Variants in MARK1 observed in about 807,000 individuals in gnomAD.
MARK1 encodes microtubule affinity regulating kinase 1, also known as serine/threonine-protein kinase MARK1.
MARK1 carries 40 observed loss-of-function variants against 96.3 expected under a neutral mutation model. The ratio of observed to expected loss-of-function variants is 0.42; its 90% CI spans 0.32 to 0.54. The LOEUF (loss-of-function observed/expected upper bound fraction) is 0.54. Ranked by LOEUF, MARK1 falls within the 20% of genes least tolerant of loss-of-function variation. The pLI, the probability that MARK1 is intolerant of heterozygous loss-of-function variation, is 0.16. For synonymous variants in MARK1, 317 were observed against 341.2 expected (o/e 0.93, Z 0.78); for missense variants, 719 against 984.6 (o/e 0.73, Z 3.61).
chr1:220,655,019 CAGTG>C (rs1465274594), intron 16 of MARK1, among the ~76,000 whole-genome samples: 1 of 152,216 alleles, frequency 6.6e-6, no homozygotes, highest in Non-Finnish European at 1.5e-5. Flanking sequence ...ATTGCTACGG[CAGTG>C]AGTGAGACTG....
chr1:220,545,467 T>C (rs1661426099), intron 1 of MARK1, among the ~76,000 whole-genome samples: 1 of 113,858 alleles, frequency 8.8e-6, no homozygotes, highest in African/African-American at 3.4e-5. Flanking sequence ...TTTTTTGAGA[T>C]AGGTTCTTGC....
At position 220,615,967 on chromosome 1, in the gene MARK1, A is replaced by T; in HGVS notation, c.524A>T (p.Gln175Leu). The stretch of plus-strand genomic sequence containing the variant: ...GTATCTGCTGTACAGTATTGTCATC[A>T]AAAGTACATTGTTCACCGTGATCTT... ...QIVSAVQYCHQKYIVHRDLKA... is the reference protein window; with the variant it reads ...QIVSAVQYCHLKYIVHRDLKA... Residue 175 changes from glutamine to leucine, a missense_variant, in exon 7 of 18, where the codon CAA becomes CTA. Gln to Leu is a moderately radical substitution (Grantham distance 113). Around this residue, in one of 4 missense-constraint regions of MARK1, gnomAD observed 96 missense variants for 213.1 expected, o/e 0.45. Transcript: ENST00000366917. 1 of 1,563,932 alleles carries T rather than the reference A, an allele frequency of 6.4e-7. No homozygotes were observed.
At chr1:220,607,582 A>T (rs1468499479) in intron 6 of MARK1, among the ~76,000 whole-genome samples, 1 of 150,160 alleles carries the variant, frequency 6.7e-6, no homozygotes, top group Non-Finnish European at 1.5e-5. Context: ...TGGTGAGAGG[A>T]CATCCCTGTC....
intron 1 of MARK1, among the ~76,000 whole-genome samples, chr1:220,544,961 G>A (rs1281320370): frequency 1.3e-5 from 2 of 152,254 alleles, no homozygotes; most frequent in African/African-American, 4.8e-5. Flanking sequence ...CTCAGAGCCT[G>A]AAGTGGGAGA....
At chr1:220,573,742 A>G (rs1663637233) in intron 1 of MARK1, among the ~76,000 whole-genome samples, 1 of 151,880 alleles carries the variant, frequency 6.6e-6, no homozygotes, top group South Asian at 2.1e-4. Context: ...ATCCTATCCA[A>G]TGAATTTTTC....
intron 3 of MARK1, among the ~76,000 whole-genome samples, chr1:220,596,384 A>G (rs973552855): frequency 1.9e-4 from 29 of 152,214 alleles, no homozygotes; most frequent in Non-Finnish European, 3.5e-4. Context: ...TCTTTGTCCC[A>G]AATTTGAAAT....
chr1:220,533,829 C>T (rs953441357), intron 1 of MARK1, among the ~76,000 whole-genome samples: 8 of 152,144 alleles, frequency 5.3e-5, no homozygotes, highest in African/African-American at 1.7e-4. Flanking sequence ...ATTTCTGGCA[C>T]TCTGGTTAGA....
At chr1:220,643,700 A>G (rs1485394477) in intron 13 of MARK1, among the ~76,000 whole-genome samples, 1 of 152,210 alleles carries the variant, frequency 6.6e-6, no homozygotes, top group Admixed American at 6.5e-5. Flanking sequence ...TACAAAGGGA[A>G]GTCCATTAGA....
chr1:220,603,952 C>A (rs1665910421), intron 5 of MARK1, 115 bp from the exon 6 acceptor site: 3 of 547,038 alleles, frequency 5.5e-6, no homozygotes, highest in African/African-American at 3.9e-5. Flanking sequence ...CATAAACTAG[C>A]AGAAAATTGT....
At position 220,538,539 on chromosome 1, in the gene MARK1, G is replaced by C. The variant is rs548293980; in HGVS notation, c.51+9666G>C. On this transcript the variant is annotated intron_variant, in intron 1 of 17. Transcript: ENST00000366917. ...AGCTTTGTTCTTTTGGCTTAGGATT[G>C]ACTTGGCGATGTGGGCTCTTTTTTG... Among the ~76,000 whole-genome samples the C allele has an allele frequency of 1.9e-3, 296 of 152,298 alleles. 1 individual carries two copies. The highest frequency in any genetic ancestry group is 6.3e-4 in the Non-Finnish European group (43 of 68,028).
intron 1 of MARK1, among the ~76,000 whole-genome samples, chr1:220,550,358 C>CT (rs549855129): frequency 1.1e-4 from 17 of 151,430 alleles, no homozygotes; most frequent in African/African-American, 4.1e-4. Flanking sequence ...AGGAGAAGCT[C>CT]TTTTTTTTTC....
chr1:220,658,562 A>G (rs7551173), intron 17 of MARK1, among the ~76,000 whole-genome samples: 1,729 of 152,302 alleles, frequency 0.011, 26 homozygotes, highest in African/African-American at 0.04. Context: ...TTAAGAAATG[A>G]AGACATTAAT....
intron 7 of MARK1, among the ~76,000 whole-genome samples, chr1:220,617,814 G>T (rs926952024): frequency 5.9e-5 from 9 of 152,138 alleles, no homozygotes; most frequent in Non-Finnish European, 8.8e-5. Context: ...AGAGAACAAA[G>T]GAATGAATTA....
In MARK1 at chr1:220,651,998, G is replaced by A. The variant is rs770509774; in HGVS notation, c.1584G>A (p.Met528Ile). ...TTTATGGTGAAAGCCTTACGGAGAT[G>A]TCTGTGAGTAGCATATCTTCTGCAG... is the stretch of plus-strand genomic sequence containing the variant. ...QNGKDSSLTE[M>I]SVSSISSAGS... is the part of the protein sequence containing the mutation. The change falls in exon 15 of 18, where the codon ATG (methionine) becomes ATA (isoleucine). Residue 528 changes from methionine (M) to isoleucine (I), a missense_variant. By Grantham distance (10) the Met-to-Ile change is conservative. Around this residue, in one of 4 missense-constraint regions of MARK1, gnomAD observed 501 missense variants for 588.3 expected, o/e 0.85. Coordinates refer to ENST00000366917, the MANE Select transcript of MARK1 (RefSeq NM_018650.5). 1.2e-6 allele frequency: 2 copies of A among 1,600,640 alleles called. No individual in the cohort carries two copies. Among genetic ancestry groups the A allele is most frequent in the Admixed American group, 3.3e-5 (2 of 59,806 alleles).
chr1:220,532,686 G>GT (rs1186992670), intron 1 of MARK1, among the ~76,000 whole-genome samples: 2 of 151,808 alleles, frequency 1.3e-5, no homozygotes, highest in South Asian at 2.1e-4. Context: ...TCGAGAAAGT[G>GT]TTTTTTTGTT....
At chr1:220,612,634 A>T (rs1028495479) in intron 6 of MARK1, among the ~76,000 whole-genome samples, 17 of 152,192 alleles carry the variant, frequency 1.1e-4, no homozygotes, top group African/African-American at 4.1e-4. Context: ...TTTTGTAGTT[A>T]CCTGACTACA....
chr1:220,575,905 T>C (rs1663796489), intron 1 of MARK1, among the ~76,000 whole-genome samples: 1 of 150,698 alleles, frequency 6.6e-6, no homozygotes, highest in Admixed American at 6.7e-5. Flanking sequence ...TACTTGGTGA[T>C]GGGGATGCAA....
chr1:220,612,672 G>A (rs1210129032), intron 6 of MARK1, among the ~76,000 whole-genome samples: 1 of 152,020 alleles, frequency 6.6e-6, no homozygotes, highest in Non-Finnish European at 1.5e-5. Context: ...ATTTATTTTT[G>A]AGGAGCTTAC....
Position 220,536,401 on chromosome 1 carries a change from C to A in MARK1, c.51+7528C>A, listed in dbSNP as rs1197696122. On this transcript the variant is annotated intron_variant, in intron 1 of 17. Coordinates refer to ENST00000366917, the MANE Select transcript of MARK1 (RefSeq NM_018650.5). ...GAGTGTTATTTATATTAGTTGTGGGCTTTTTTTTTTTTCCCACACAATACA... is the reference window on the plus strand; with the variant it reads ...GAGTGTTATTTATATTAGTTGTGGGATTTTTTTTTTTTCCCACACAATACA... 2.9e-5 allele frequency among the ~76,000 whole-genome samples: 4 copies of A among 140,326 alleles called. No individual in the cohort carries two copies. In the East Asian group the frequency reaches 8.2e-4, roughly 29 times the overall value. The allele number at this position is 140,326 out of a possible 152,430, so 92.1% of individuals were successfully genotyped here.
Sources: gnomAD v4.1 joint callset for allele counts (sites outside exome capture counted in the v4.1 genomes callset) on GRCh38, gnomAD v4.1.1 for gene constraint, gnomAD v4.1.1 regional missense constraint, MANE v1.5 for transcripts, NCBI Gene and HGNC (gene_info 2026-07-23, HGNC 2026-07-21) for gene names.